RWDD1: variants seen among roughly 807,000 people sequenced by gnomAD.
The protein encoded by RWDD1 is RWD domain containing 1.
Under a neutral mutation model 31.6 loss-of-function variants are expected in RWDD1, and 17 were observed. The observed-to-expected ratio is 0.54, with a 90% CI of 0.37 to 0.81. The LOEUF (loss-of-function observed/expected upper bound fraction) is 0.81. Among genes scored for constraint, RWDD1 ranks in the 30% least tolerant of loss-of-function variants. The pLI is 0.00. For synonymous variants in RWDD1, 78 were observed against 94.2 expected, an observed-to-expected ratio of 0.83 and a Z score of 0.99; for missense variants, 204 against 274.5, an observed-to-expected ratio of 0.74 and a Z score of 1.82.
intron 1 of RWDD1, among the ~76,000 whole-genome samples, chr6:116,576,736 C>T (rs1003523918): frequency 6.6e-6 from 1 of 152,116 alleles, no homozygotes; most frequent in Non-Finnish European, 1.5e-5. Flanking sequence ...GGAGTAATGA[C>T]AAGTTAACAA....
At chr6:116,587,672 A>ATGTGTG (rs149843338) in intron 3 of RWDD1, among the ~76,000 whole-genome samples, 7 of 149,770 alleles carry the variant, frequency 4.7e-5, no homozygotes, top group African/African-American at 9.8e-5. Flanking sequence ...CTCTGTGTGT[A>ATGTGTG]TGTGTGTGTG....
intron 3 of RWDD1, among the ~76,000 whole-genome samples, chr6:116,586,986 G>A (rs1446298643): frequency 6.6e-6 from 1 of 152,140 alleles, no homozygotes; most frequent in East Asian, 1.9e-4. Context: ...AAAAATACTA[G>A]TGATGTGGAA....
chr6:116,579,359 C>T (rs1416402554), intron 1 of RWDD1, among the ~76,000 whole-genome samples: 6 of 152,218 alleles, frequency 3.9e-5, no homozygotes, highest in African/African-American at 1.2e-4. Flanking sequence ...GAGGCATAGG[C>T]TTTTCTCATA....
intron 3 of RWDD1, among the ~76,000 whole-genome samples, chr6:116,587,586 G>A (rs1160741807): frequency 4.6e-5 from 7 of 152,082 alleles, no homozygotes; most frequent in Admixed American, 4.6e-4. Context: ...CTATGAAGGG[G>A]TTTTAAGCAA....
At chr6:116,573,830 T>A (rs2115321252) in intron 1 of RWDD1, among the ~76,000 whole-genome samples, 1 of 152,216 alleles carries the variant, frequency 6.6e-6, no homozygotes, top group South Asian at 2.1e-4. Context: ...ATACTTTTTT[T>A]TTTTAATGGA....
At chr6:116,580,936 T>C (rs1384521518) in intron 2 of RWDD1, among the ~76,000 whole-genome samples, 1 of 152,256 alleles carries the variant, frequency 6.6e-6, no homozygotes, top group Non-Finnish European at 1.5e-5. Flanking sequence ...TTAGTTGATA[T>C]GGTAATTTGA....
rs780198461 is a variant in RWDD1, at chr6:116,571,663, C to T, written c.73+8C>T. The T allele has an allele frequency of 1.2e-6, 2 of 1,608,722 alleles. No homozygotes were observed. Among genetic ancestry groups the T allele is most frequent in the South Asian group, 1.1e-5 (1 of 90,776 alleles). ...ACCCTGACTCCTTCACAGGTGACTC[C>T]CGCGGCCGCAAGCCTGTAGCCGCCC... On this transcript the variant is annotated splice_region_variant and intron_variant, in intron 1 of 6. Coordinates refer to ENST00000466444, the MANE Select transcript of RWDD1 (RefSeq NM_015952.4).
In RWDD1 at chr6:116,592,903, T is replaced by A. The variant is rs1390763517; in HGVS notation, c.611-77T>A. 3.4e-6 allele frequency: 5 copies of A among 1,488,694 alleles called. No homozygotes were observed. In the East Asian group the frequency reaches 1.1e-4, roughly 34 times the overall value. The allele number at this position is 1,488,694 out of a possible 1,614,324, so 92.2% of individuals were successfully genotyped here. On this transcript the variant is annotated intron_variant, in intron 6 of 6. Transcript: ENST00000466444. The stretch of plus-strand genomic sequence containing the variant: ...AGATTTGGAGATTTCTGTTTGGTAG[T>A]GCCAATGAGTTTTATCTTCTATTTC...
At chr6:116,587,036 A>T (rs981634708) in intron 3 of RWDD1, among the ~76,000 whole-genome samples, 2 of 152,176 alleles carry the variant, frequency 1.3e-5, no homozygotes, top group African/African-American at 4.8e-5. Context: ...CATGTGAATG[A>T]TTATTTTTTT....
intron 6 of RWDD1, among the ~76,000 whole-genome samples, chr6:116,592,736 G>A (rs1775166905): frequency 6.6e-6 from 1 of 152,114 alleles, no homozygotes; most frequent in African/African-American, 2.4e-5. Flanking sequence ...ATAAATTCTA[G>A]TAAGCTTTTT....
chr6:116,587,378 A>C (rs1775062007), intron 3 of RWDD1, among the ~76,000 whole-genome samples: 1 of 152,196 alleles, frequency 6.6e-6, no homozygotes, highest in South Asian at 2.1e-4. Context: ...TAGAGGAACC[A>C]ACTTGTTAAA....
At chr6:116,589,852 T>C (rs866613810) in intron 4 of RWDD1, among the ~76,000 whole-genome samples, 20 of 152,230 alleles carry the variant, frequency 1.3e-4, no homozygotes, top group African/African-American at 4.6e-4. Flanking sequence ...GAGAATAGCA[T>C]GGGAAAGACA....
Position 116,592,995 on chromosome 6 carries a change from A to C in RWDD1, c.626A>C (p.Glu209Ala), listed in dbSNP as rs771422537. The C allele has an allele frequency of 4.4e-6, 7 of 1,605,192 alleles. No homozygotes were observed. Among genetic ancestry groups the C allele is most frequent in the Non-Finnish European group, 3.4e-6 (4 of 1,178,000 alleles). Reference protein sequence around the residue: ...QFLEDAGNNVEVDESLFQEMD... With the variant: ...QFLEDAGNNVAVDESLFQEMD... ...CCTTTTGCAGCTGGAAACAACGTGG[A>C]GGTAGATGAGTCTTTGTTCCAAGAA... The change falls in exon 7 of 7, where the codon GAG becomes GCG. Residue 209 changes from glutamate to alanine, a missense_variant. Physicochemically the swap from Glu to Ala is moderately radical, Grantham distance 107. Transcript: ENST00000466444.
chr6:116,584,729 G>A lies in RWDD1; in HGVS notation c.142G>A (p.Val48Ile), dbSNP rs1000231788. 3 of 1,610,830 alleles carry A rather than the reference G, an allele frequency of 1.9e-6. No homozygotes were observed. Among genetic ancestry groups the A allele is most frequent in the African/African-American group, 2.7e-5 (2 of 74,912 alleles). ...CAAACTCTTATCTTGTGTCTTAGCT[G>A]TCCAGACTACCCTCAAGTTTACATA... ...TSEAGENDET[V>I]QTTLKFTYSE... Residue 48 changes from valine (V) to isoleucine (I), a missense_variant and splice_region_variant, in exon 3 of 7, where the codon GTC becomes ATC. Coordinates refer to ENST00000466444, the MANE Select transcript of RWDD1 (RefSeq NM_015952.4).
chr6:116,587,572 G>A (rs1775065427), intron 3 of RWDD1, among the ~76,000 whole-genome samples: 1 of 152,084 alleles, frequency 6.6e-6, no homozygotes, highest in African/African-American at 2.4e-5. Flanking sequence ...ATTGGTTTGC[G>A]AAGCTATGAA....
chr6:116,586,761 G>GT (rs763611448), intron 3 of RWDD1, among the ~76,000 whole-genome samples: 10 of 152,142 alleles, frequency 6.6e-5, no homozygotes, highest in Non-Finnish European at 1.2e-4. Flanking sequence ...GTAGTTCAGT[G>GT]TTTCCTGGAA....
At chr6:116,585,492 G>T (rs1385905514) in intron 3 of RWDD1, among the ~76,000 whole-genome samples, 3 of 152,146 alleles carry the variant, frequency 2.0e-5, no homozygotes, top group African/African-American at 7.2e-5. Context: ...TTTTCATGGG[G>T]TTCTTCAGAG....
chr6:116,573,128 A>G (rs1372728164), intron 1 of RWDD1: 1 of 373,874 alleles, frequency 2.7e-6, no homozygotes. Context: ...AGGTATGAAC[A>G]CTGTAGGCAG....
Position 116,574,647 on chromosome 6 carries a change from A to ACTTTCTTTCTTTCTTT in RWDD1, c.73+2999_73+3014dup, listed in dbSNP as rs3839369. Among the ~76,000 whole-genome samples the ACTTTCTTTCTTTCTTT allele has an allele frequency of 4.7e-5, 7 of 150,228 alleles. No individual in the cohort carries two copies. The South Asian group carries it at 6.3e-4, about 14-fold the overall frequency. Reference sequence around the variant, plus strand: ...GCCCTTCCTCTGTGGCCAACAACTTACTTTCTTTCTTTCTTTCTTTCTCTC... The same window carrying ACTTTCTTTCTTTCTTT: ...GCCCTTCCTCTGTGGCCAACAACTTACTTTCTTTCTTTCTTTCTTTCTTTCTTTCTTTCTTTCTCTC... On this transcript the variant is annotated intron_variant, in intron 1 of 6. Coordinates refer to ENST00000466444, the MANE Select transcript of RWDD1 (RefSeq NM_015952.4).
Sources: allele counts gnomAD v4.1 joint callset (sites outside exome capture counted in the v4.1 genomes callset), GRCh38; gene constraint gnomAD v4.1.1; transcripts MANE v1.5; gene names NCBI Gene and HGNC (gene_info 2026-07-23, HGNC 2026-07-21).